MTERF3: variants seen among roughly 807,000 people sequenced by gnomAD.
MTERF3 encodes transcription termination factor 3, mitochondrial.
MTERF3 carries 40 observed loss-of-function variants against 40.5 expected under a neutral mutation model. That is an observed-to-expected ratio of 0.99 (90% CI 0.77 to 1.29). The LOEUF (loss-of-function observed/expected upper bound fraction) is 1.29, where lower values mean the gene tolerates loss of function less well. Ranked by LOEUF, MTERF3 falls within the 50% of genes most tolerant of loss-of-function variation. MTERF3 has a pLI of 0.00. For missense variants in MTERF3, 452 were observed against 478.2 expected, an observed-to-expected ratio of 0.95 and a Z score of 0.51; for synonymous variants, 158 against 166.6, an observed-to-expected ratio of 0.95 and a Z score of 0.40.
intron 4 of MTERF3, among the ~76,000 whole-genome samples, chr8:96,249,383 A>G (rs1161815007): frequency 6.6e-6 from 1 of 152,202 alleles, no homozygotes; most frequent in Non-Finnish European, 1.5e-5. Context: ...GACTGCAGAG[A>G]GAATTAGTGT....
At chr8:96,246,210 G>T in intron 5 of MTERF3, 97 bp downstream of exon 5, 1 of 1,167,398 alleles carries the variant, frequency 8.6e-7, no homozygotes, top group Non-Finnish European at 1.2e-6. Context: ...GAATTTATAT[G>T]ATTCACATGG....
At chr8:96,244,739 A>G (rs1809992480) in intron 6 of MTERF3, among the ~76,000 whole-genome samples, 3 of 152,124 alleles carry the variant, frequency 2.0e-5, no homozygotes. Flanking sequence ...AAATTTGGAG[A>G]CAGCTATGCC....
chr8:96,260,628 A>G (rs529124324), intron 1 of MTERF3, among the ~76,000 whole-genome samples: 3 of 152,332 alleles, frequency 2.0e-5, no homozygotes, highest in Admixed American at 2.0e-4. Flanking sequence ...TCCACACTCA[A>G]TACCACTTAA....
In MTERF3 at chr8:96,250,988, C is replaced by T; in HGVS notation, c.595G>A (p.Gly199Ser). 1.2e-6 allele frequency: 2 copies of T among 1,606,904 alleles called. No individual in the cohort carries two copies. The highest frequency in any genetic ancestry group is 2.2e-5 in the South Asian group (2 of 89,042). Reference sequence around the variant, plus strand: ...GCTCCCAGTTGGTTATCCTCTATACCCACATCTTTAAGAAACAGAAGCATT... The same window carrying T: ...GCTCCCAGTTGGTTATCCTCTATACTCACATCTTTAAGAAACAGAAGCATT... ...KQMLLFLKDV[G>S]IEDNQLGAFL... The change falls in exon 4 of 8, where the codon GGT becomes AGT. Residue 199 changes from glycine (G) to serine (S), a missense_variant. Physicochemically the swap from Gly to Ser is moderately conservative, Grantham distance 56. Transcript: ENST00000287025.
chr8:96,250,615 C>CAGAAGGAGA (rs1810132180), intron 4 of MTERF3, among the ~76,000 whole-genome samples: 2 of 11,824 alleles, frequency 1.7e-4, no homozygotes, highest in Admixed American at 2.6e-3. Context: ...GAGGCTGAGG[C>CAGAAGGAGA]AGAAGAAGAA....
Position 96,250,917 on chromosome 8 carries a change from A to T in MTERF3, c.666T>A (p.Asn222Lys). 2.5e-6 allele frequency: 4 copies of T among 1,606,686 alleles called. No homozygotes were observed. Among genetic ancestry groups the T allele is most frequent in the Non-Finnish European group, 3.4e-6 (4 of 1,178,324 alleles). ...TTTAAAAGTCCTACCTGGTCTTCAG[A>T]TTTTCAAGGTCTTCAGAGAAAATTG... ...NHAIFSEDLE[N>K]LKTRVAYLHS... The change falls in exon 4 of 8, where the codon AAT (asparagine) becomes AAA (lysine). Residue 222 changes from asparagine to lysine, a missense_variant. Coordinates refer to ENST00000287025, the MANE Select transcript of MTERF3 (RefSeq NM_015942.5).
chr8:96,251,888 G>A (rs1180088895), intron 3 of MTERF3, among the ~76,000 whole-genome samples: 1 of 152,314 alleles, frequency 6.6e-6, no homozygotes, highest in East Asian at 1.9e-4. Context: ...CAGACACAAT[G>A]ATATGGTTAG....
At chr8:96,246,164 T>C (rs557567309) in intron 5 of MTERF3, 143 bp downstream of exon 5, 18 of 853,612 alleles carry the variant, frequency 2.1e-5, no homozygotes, top group Non-Finnish European at 2.9e-5. Context: ...ATGTTTAAAC[T>C]AGCAGGATAA....
At chr8:96,252,720 G>A (rs1173419713) in intron 3 of MTERF3, among the ~76,000 whole-genome samples, 1 of 152,236 alleles carries the variant, frequency 6.6e-6, no homozygotes, top group Non-Finnish European at 1.5e-5. Context: ...AAATGGGGGA[G>A]CGGATGCTCT....
chr8:96,256,975 C>T lies in MTERF3; in HGVS notation c.474G>A (p.Lys158=). ...AGTCAAACTTACCTAGAAGAACCAA[C>T]TTCTGCAGAGTCTCAGAATGATCCA... ...DYVDHSETLQ[K]LVLLGVDLSK... is the part of the protein sequence containing the mutation. The change falls in exon 3 of 8, where the codon AAG becomes AAA. Residue 158 remains lysine (K), a synonymous_variant. Transcript: ENST00000287025. 6.2e-7 allele frequency: 1 copy of T among 1,606,852 alleles called. No homozygotes were observed. Among genetic ancestry groups the T allele is most frequent in the Non-Finnish European group, 8.5e-7 (1 of 1,178,038 alleles).
At position 96,250,659 on chromosome 8, in the gene MTERF3, GAA is replaced by G. The variant is rs1491371617; in HGVS notation, c.677+245_677+246del. Among the ~76,000 whole-genome samples the G allele has an allele frequency of 6.6e-3, 214 of 32,364 alleles. 35 individuals are homozygous for G. Among genetic ancestry groups the G allele is most frequent in the African/African-American group, 0.023 (195 of 8,316 alleles). 21.2% of individuals were successfully genotyped at this position (32,364 alleles called of 152,430 possible). Reference sequence around the variant, plus strand: ...AGAAGAAGAAGAAGAAGAAGAAGAAGAAGAAGAAGAAGAAGAAGAAGAAGGAG... The same window carrying G: ...AGAAGAAGAAGAAGAAGAAGAAGAAGGAAGAAGAAGAAGAAGAAGAAGGAG... On this transcript the variant is annotated intron_variant, in intron 4 of 7. Transcript: ENST00000287025.
intron 4 of MTERF3, among the ~76,000 whole-genome samples, chr8:96,250,307 T>A (rs1221856481): frequency 2.7e-5 from 4 of 147,856 alleles, no homozygotes; most frequent in Admixed American, 6.7e-5. Flanking sequence ...CACTCTCAGA[T>A]AAGTTAGCTA....
At chr8:96,249,084 A>ATGGCTTGAGCAAG (rs1476517948) in intron 4 of MTERF3, among the ~76,000 whole-genome samples, 2 of 152,224 alleles carry the variant, frequency 1.3e-5, no homozygotes, top group East Asian at 3.8e-4. Flanking sequence ...AGGAGCATAT[A>ATGGCTTGAGCAAG]TGGCTTGAGC....
intron 4 of MTERF3, among the ~76,000 whole-genome samples, chr8:96,249,467 T>C (rs1810083785): frequency 6.6e-6 from 1 of 152,246 alleles, no homozygotes; most frequent in Non-Finnish European, 1.5e-5. Flanking sequence ...CCCTTCTGTA[T>C]TGTGATAGAC....
chr8:96,248,998 C>T (rs1810072917), intron 4 of MTERF3, among the ~76,000 whole-genome samples: 1 of 152,188 alleles, frequency 6.6e-6, no homozygotes, highest in South Asian at 2.1e-4. Context: ...AAATGTTCTA[C>T]AGCTTAATTT....
At chr8:96,253,841 T>C (rs1007609348) in intron 3 of MTERF3, among the ~76,000 whole-genome samples, 1 of 105,000 alleles carries the variant, frequency 9.5e-6, no homozygotes, top group African/African-American at 3.7e-5. Context: ...CCTCCCTCTA[T>C]TTAAAAAAAA....
intron 3 of MTERF3, among the ~76,000 whole-genome samples, chr8:96,253,007 T>C (rs1810213547): frequency 6.6e-6 from 1 of 152,166 alleles, no homozygotes; most frequent in Admixed American, 6.5e-5. Flanking sequence ...ATTGGGGTTA[T>C]AAAAAAAGAA....
chr8:96,241,350 C>T (rs1809925479), intron 7 of MTERF3, among the ~76,000 whole-genome samples: 1 of 151,508 alleles, frequency 6.6e-6, no homozygotes, highest in Non-Finnish European at 1.5e-5. Context: ...GCGGCGGTTG[C>T]ACTGAGCCGA....
intron 4 of MTERF3, among the ~76,000 whole-genome samples, chr8:96,250,502 G>GGA (rs1810113878): frequency 6.9e-6 from 1 of 144,558 alleles, no homozygotes; most frequent in Non-Finnish European, 1.6e-5. Context: ...CTTGAGGTCA[G>GGA]GAGTTCGAGA....
Sources: gnomAD v4.1 joint callset for allele counts (sites outside exome capture counted in the v4.1 genomes callset) on GRCh38, gnomAD v4.1.1 for gene constraint, MANE v1.5 for transcripts, NCBI Gene and HGNC (gene_info 2026-07-23, HGNC 2026-07-21) for gene names.